The following SFXN5 variants were observed in gnomAD, a reference collection of about 807,000 sequenced individuals.
SFXN5 encodes sideroflexin-5.
A neutral mutation model predicts 50.2 loss-of-function variants in SFXN5; 43 were observed. That is an observed-to-expected ratio of 0.86 (90% CI 0.67 to 1.11). The LOEUF is 1.11. Among genes scored for constraint, SFXN5 ranks in the 50% least tolerant of loss-of-function variants. The pLI, the probability that SFXN5 is intolerant of heterozygous loss-of-function variation, is 0.00. For missense variants in SFXN5, 463 were observed against 454.1 expected (o/e 1.02, Z -0.18); for synonymous variants, 203 against 185.8 (o/e 1.09, Z -0.75).
At chr2:72,979,924 G>A (rs1671083876) in intron 10 of SFXN5, among the ~76,000 whole-genome samples, 1 of 152,202 alleles carries the variant, frequency 6.6e-6, no homozygotes, top group Non-Finnish European at 1.5e-5. Flanking sequence ...TGACTCGGGA[G>A]AGAGAAGTAG....
At chr2:72,996,874 A>T (rs1195449032) in intron 9 of SFXN5, 1 of 152,198 alleles carries the variant, frequency 6.6e-6, no homozygotes, top group Non-Finnish European at 1.5e-5. Context: ...TGAGTCTCAA[A>T]AAAAGGAAGG....
At chr2:73,061,207 C>G (rs906226370) in intron 1 of SFXN5, among the ~76,000 whole-genome samples, 2 of 150,960 alleles carry the variant, frequency 1.3e-5, no homozygotes, top group Non-Finnish European at 2.9e-5. Context: ...ACTTGGGAGG[C>G]TGAAGCAGGA....
chr2:72,949,904 C>T lies in SFXN5; in HGVS notation c.946-4805G>A, dbSNP rs73943004. The stretch of plus-strand genomic sequence containing the variant: ...CTGGGGTGGCTGGTGACGCCATTCT[C>T]GGAGGGAATATGGGAGGGGATGGGC... On this transcript the variant is annotated intron_variant, in intron 13 of 13. Transcript: ENST00000272433. Among the ~76,000 whole-genome samples the T allele has an allele frequency of 7.9e-3, 1,200 of 151,100 alleles. 10 individuals carry two copies. The highest frequency in any genetic ancestry group is 0.023 in the African/African-American group (956 of 41,060).
intron 1 of SFXN5, 138 bp downstream of exon 1, chr2:73,071,466 A>C (rs1683610799): frequency 1.4e-6 from 1 of 718,794 alleles, no homozygotes; most frequent in African/African-American, 1.8e-5. Context: ...ACTGTGACCG[A>C]GGTTCCCCCC....
chr2:72,985,974 G>A (rs1671869997), intron 10 of SFXN5, among the ~76,000 whole-genome samples: 1 of 152,216 alleles, frequency 6.6e-6, no homozygotes, highest in African/African-American at 2.4e-5. Flanking sequence ...CTAAAGCTTG[G>A]CTAGGGACAG....
intron 13 of SFXN5, among the ~76,000 whole-genome samples, chr2:72,956,162 A>G (rs542165222): frequency 6.6e-6 from 1 of 152,310 alleles, no homozygotes; most frequent in South Asian, 2.1e-4. Flanking sequence ...GGGCAGGCCT[A>G]CAGCAGTAAC....
chr2:73,001,681 A>G, intron 6 of SFXN5, 103 bp from the exon 7 acceptor site: 1 of 1,150,826 alleles, frequency 8.7e-7, no homozygotes. Flanking sequence ...GGATCTGTAC[A>G]AACTGATGTG....
chr2:73,021,660 G>A (rs922385509), intron 5 of SFXN5, among the ~76,000 whole-genome samples: 2 of 152,164 alleles, frequency 1.3e-5, no homozygotes, highest in African/African-American at 2.4e-5. Context: ...GACCCTGAGG[G>A]ACCCATTTGA....
chr2:73,055,903 C>G (rs1351789933), intron 2 of SFXN5, among the ~76,000 whole-genome samples: 4 of 152,222 alleles, frequency 2.6e-5, no homozygotes, highest in Non-Finnish European at 5.9e-5. Context: ...AGGCGTCGGC[C>G]ACCGGGCCAG....
chr2:73,067,443 A>C (rs1463587906), intron 1 of SFXN5, among the ~76,000 whole-genome samples: 1 of 152,246 alleles, frequency 6.6e-6, no homozygotes, highest in African/African-American at 2.4e-5. Context: ...ATAATGTACC[A>C]ATGTTAGTTT....
intron 9 of SFXN5, chr2:72,998,676 C>G: frequency 2.1e-6 from 1 of 477,432 alleles, no homozygotes; most frequent in South Asian, 3.0e-5. Context: ...GCTGGGCAAC[C>G]GCAGCCCCAC....
chr2:73,047,825 A>G (rs1680711660), intron 2 of SFXN5, among the ~76,000 whole-genome samples: 1 of 152,208 alleles, frequency 6.6e-6, no homozygotes, highest in South Asian at 2.1e-4. Flanking sequence ...ATATTTATCT[A>G]AAGTCTTTCA....
intron 12 of SFXN5, among the ~76,000 whole-genome samples, chr2:72,965,586 G>A (rs1421794216): frequency 3.9e-5 from 6 of 152,220 alleles, no homozygotes; most frequent in Middle Eastern, 3.4e-3. Flanking sequence ...AGACACTGCC[G>A]TGGGGTCGGA....
intron 1 of SFXN5, among the ~76,000 whole-genome samples, chr2:73,064,192 G>A (rs1158351566): frequency 6.6e-6 from 1 of 152,150 alleles, no homozygotes; most frequent in Non-Finnish European, 1.5e-5. Context: ...ACACCGCCCC[G>A]CAACTACACA....
intron 6 of SFXN5, among the ~76,000 whole-genome samples, chr2:73,009,874 G>A (rs1675273733): frequency 6.6e-6 from 1 of 152,184 alleles, no homozygotes; most frequent in African/African-American, 2.4e-5. Flanking sequence ...AAACGTATGG[G>A]GTGAGCCTCA....
intron 3 of SFXN5, among the ~76,000 whole-genome samples, chr2:73,031,987 T>A (rs1678364085): frequency 6.6e-6 from 1 of 152,194 alleles, no homozygotes; most frequent in African/African-American, 2.4e-5. Context: ...AGGACTCAGG[T>A]CTGACTCCTT....
At position 72,944,037 on chromosome 2, in the gene SFXN5, G is replaced by T. The variant is rs1041926735; in HGVS notation, c.*985C>A. 1.3e-5 allele frequency: 2 copies of T among 152,286 alleles called. No homozygotes were observed. 9.4% of individuals were successfully genotyped at this position (152,286 alleles called of 1,614,324 possible). On this transcript the variant is annotated 3_prime_UTR_variant, in exon 14 of 14. Transcript: ENST00000272433. ...CTGGCCTAGGCATTCTCAGGCATGA[G>T]ACCTTCCTGCTTAGAAAGGGATGGG...
At chr2:73,027,573 T>G (rs1001891378) in intron 3 of SFXN5, among the ~76,000 whole-genome samples, 1 of 152,234 alleles carries the variant, frequency 6.6e-6, no homozygotes, top group South Asian at 2.1e-4. Context: ...TCACATTCAC[T>G]GACCACTCAC....
chr2:73,006,046 C>T lies in SFXN5; in HGVS notation c.358-4468G>A, dbSNP rs138224172. ...TTTTTGGCTCTGCTTGGTCATCTAA[C>T]TTGCTCTGACTGACAGCACGTGGGA... On this transcript the variant is annotated intron_variant, in intron 6 of 13. Transcript: ENST00000272433. Among the ~76,000 whole-genome samples, 758 of 152,276 alleles carry T rather than the reference C, an allele frequency of 5.0e-3. 5 individuals carry two copies. The highest frequency in any genetic ancestry group is 7.0e-3 in the Non-Finnish European group (479 of 68,018).
Sources: allele counts gnomAD v4.1 joint callset (sites outside exome capture counted in the v4.1 genomes callset), GRCh38; gene constraint gnomAD v4.1.1; transcripts MANE v1.5; gene names NCBI Gene and HGNC (gene_info 2026-07-23, HGNC 2026-07-21).